Variants in ST6GALNAC6 observed in about 807,000 individuals in gnomAD.
The protein encoded by ST6GALNAC6 is alpha-N-acetylgalactosaminide alpha-2,6-sialyltransferase 6.
Under a neutral mutation model 34.3 loss-of-function variants are expected in ST6GALNAC6, and 19 were observed. The observed-to-expected ratio is 0.55, with a 90% CI of 0.39 to 0.81. ST6GALNAC6 has a LOEUF of 0.81. Among genes scored for constraint, ST6GALNAC6 ranks in the 40% least tolerant of loss-of-function variants. ST6GALNAC6 has a pLI of 0.00. For synonymous variants in ST6GALNAC6, 185 were observed against 182.1 expected (o/e 1.02, Z -0.13); for missense variants, 377 against 467.7 (o/e 0.81, Z 1.79).
At chr9:127,899,387 G>T in intron 1 of ST6GALNAC6, 116 bp downstream of exon 1, 2 of 569,266 alleles carry the variant, frequency 3.5e-6, no homozygotes, top group Non-Finnish European at 4.5e-6. Flanking sequence ...GCCGCCGGGG[G>T]ACCCGCATCC....
chr9:127,897,526 G>T, intron 2 of ST6GALNAC6: 1 of 805,038 alleles, frequency 1.2e-6, no homozygotes, highest in Non-Finnish European at 1.5e-6. Context: ...CTCATCCGGA[G>T]CTCGGCTTCG....
intron 1 of ST6GALNAC6, among the ~76,000 whole-genome samples, chr9:127,898,824 C>A (rs1830620922): frequency 6.6e-6 from 1 of 152,228 alleles, no homozygotes; most frequent in South Asian, 2.1e-4. Context: ...AGTGTGTGCC[C>A]AGGACGTGGC....
chr9:127,897,419 G>A (rs1830533995), intron 2 of ST6GALNAC6: 1 of 986,240 alleles, frequency 1.0e-6, no homozygotes, highest in Non-Finnish European at 1.2e-6. Flanking sequence ...AGAGAACCTC[G>A]GGCCAGAGGA....
In ST6GALNAC6 at chr9:127,896,338, A is replaced by G. The variant is rs1830454056; in HGVS notation, c.27-6T>C. Reference sequence around the variant, plus strand: ...GCAGGGATGTGGGTTCACACCTGCAAGCCACCAGAAAGGGTTATTATGGCT... The same window carrying G: ...GCAGGGATGTGGGTTCACACCTGCAGGCCACCAGAAAGGGTTATTATGGCT... On this transcript the variant is annotated splice_region_variant and splice_polypyrimidine_tract_variant and intron_variant, in intron 2 of 6. Transcript: ENST00000373146. 1 of 1,607,640 alleles carries G rather than the reference A, an allele frequency of 6.2e-7. No individual in the cohort carries two copies. Among genetic ancestry groups the G allele is most frequent in the East Asian group, 2.2e-5 (1 of 44,866 alleles).
chr9:127,900,560 C>CAAAAAAAAAAA (rs71380101), upstream of ST6GALNAC6, among the ~76,000 whole-genome samples: 9 of 44,184 alleles, frequency 2.0e-4, 2 homozygotes, highest in African/African-American at 3.5e-4. Flanking sequence ...AACTCCGTCT[C>CAAAAAAAAAAA]AAAAAAAAAA....
At position 127,886,565 on chromosome 9, in the gene ST6GALNAC6, T is replaced by C. The variant is rs1279292913; in HGVS notation, c.*34A>G. 1 of 1,611,882 alleles carries C rather than the reference T, an allele frequency of 6.2e-7. No homozygotes were observed. The highest frequency in any genetic ancestry group is 1.7e-5 in the Admixed American group (1 of 59,724). ...GCGGCTGGGCGGAGGCTGCTTCTCCTCTGACCCTCCTGAGGTCCCACAGGC... is the reference window on the plus strand; with the variant it reads ...GCGGCTGGGCGGAGGCTGCTTCTCCCCTGACCCTCCTGAGGTCCCACAGGC... On this transcript the variant is annotated 3_prime_UTR_variant, in exon 7 of 7. Transcript: ENST00000373146.
At chr9:127,897,600 C>T (rs1344869389) in intron 2 of ST6GALNAC6, among the ~76,000 whole-genome samples, 2 of 152,232 alleles carry the variant, frequency 1.3e-5, no homozygotes, top group Non-Finnish European at 2.9e-5. Context: ...CTAGTCCAGG[C>T]CCTGCGGTAC....
At position 127,887,664 on chromosome 9, in the gene ST6GALNAC6, C is replaced by T. The variant is rs907331202; in HGVS notation, c.705-73G>A. On this transcript the variant is annotated intron_variant, in intron 5 of 6. Coordinates refer to ENST00000373146, the MANE Select transcript of ST6GALNAC6 (RefSeq NM_013443.5). ...GGAGCAGGTGACCCAGGGTCACCCACGTGGAGTTCCCTGGAACTCCTCCCA... is the reference window on the plus strand; with the variant it reads ...GGAGCAGGTGACCCAGGGTCACCCATGTGGAGTTCCCTGGAACTCCTCCCA... 6.3e-6 allele frequency: 8 copies of T among 1,260,954 alleles called. No individual in the cohort carries two copies. In the Admixed American group the frequency reaches 7.8e-5, roughly 12 times the overall value. The allele number at this position is 1,260,954 out of a possible 1,614,324, so 78.1% of individuals were successfully genotyped here.
In ST6GALNAC6 at chr9:127,896,253, TCATTTCTCTCCG is replaced by T; in HGVS notation, c.94_105del (p.Arg32_Met35del). ...GAAGGCAGACTTACTTTGTTGCTAC[TCATTTCTCTCCG>T]GCGTCTGCTGAGGGGTAGGTGTCGG... On this transcript the variant is annotated inframe_deletion, in exon 3 of 7. Transcript: ENST00000373146. 1 of 1,614,126 alleles carries T rather than the reference TCATTTCTCTCCG, an allele frequency of 6.2e-7. No individual in the cohort carries two copies.
chr9:127,902,097 T>C (rs545365220), upstream of ST6GALNAC6, among the ~76,000 whole-genome samples: 26 of 152,336 alleles, frequency 1.7e-4, no homozygotes, highest in African/African-American at 5.3e-4. Flanking sequence ...CACAATATTT[T>C]AAAAGATGCA....
chr9:127,897,465 A>G, intron 2 of ST6GALNAC6: 1 of 986,060 alleles, frequency 1.0e-6, no homozygotes, highest in Non-Finnish European at 1.2e-6. Context: ...GATTGGTTAG[A>G]TCATGGCCCC....
At chr9:127,900,923 G>T (rs1158266771), upstream of ST6GALNAC6, among the ~76,000 whole-genome samples, 4 of 140,662 alleles carry the variant, frequency 2.8e-5, no homozygotes, top group African/African-American at 1.1e-4. Context: ...GGCAGAGATT[G>T]CAGTGAGCCG....
chr9:127,898,948 A>G (rs891687388), intron 1 of ST6GALNAC6, among the ~76,000 whole-genome samples: 2 of 152,158 alleles, frequency 1.3e-5, no homozygotes, highest in African/African-American at 4.8e-5. Context: ...GACTCAGCCC[A>G]AGGCTGGACG....
chr9:127,894,766 T>C, intron 3 of ST6GALNAC6, 75 bp from the exon 4 acceptor site: 2 of 1,545,830 alleles, frequency 1.3e-6, no homozygotes. Flanking sequence ...CCACCTACCA[T>C]GCCTGGTTAA....
Position 127,890,538 on chromosome 9 carries a change from C to A in ST6GALNAC6, c.704+99G>T. 1.3e-6 allele frequency: 2 copies of A among 1,552,524 alleles called. No homozygotes were observed. Among genetic ancestry groups the A allele is most frequent in the Non-Finnish European group, 1.8e-6 (2 of 1,140,182 alleles). ...CAGAGGACGGCGGGACTTGACTACCCCTCAGAGCAGTGCATGCTGGGAGCA... is the reference window on the plus strand; with the variant it reads ...CAGAGGACGGCGGGACTTGACTACCACTCAGAGCAGTGCATGCTGGGAGCA... On this transcript the variant is annotated intron_variant, in intron 5 of 6. Coordinates refer to ENST00000373146, the MANE Select transcript of ST6GALNAC6 (RefSeq NM_013443.5). The surrounding 1 kb of genome is among the most constrained non-coding windows in gnomAD (Gnocchi z 4.3).
rs780319246 is a variant in ST6GALNAC6, at chr9:127,887,541, G to A, written c.755C>T (p.Ala252Val). ...ATGCACGTGGTCACACAACTCCACC[G>A]CGATCACCATGGTAAACCAGCCTGT... ...LSTGWFTMVI[A>V]VELCDHVHVY... The change falls in exon 6 of 7, where the codon GCG becomes GTG. Residue 252 changes from alanine to valine, a missense_variant. Physicochemically the swap from Ala to Val is moderately conservative, Grantham distance 64. Coordinates refer to ENST00000373146, the MANE Select transcript of ST6GALNAC6 (RefSeq NM_013443.5). 1.9e-6 allele frequency: 3 copies of A among 1,613,056 alleles called. No individual in the cohort carries two copies. Among genetic ancestry groups the A allele is most frequent in the African/African-American group, 1.3e-5 (1 of 75,032 alleles).
intron 5 of ST6GALNAC6, among the ~76,000 whole-genome samples, chr9:127,888,390 GC>G (rs964187965): frequency 6.6e-6 from 1 of 151,310 alleles, no homozygotes; most frequent in Non-Finnish European, 1.5e-5. Flanking sequence ...TGTAGTCCCA[GC>G]TACATGGGAG....
rs1204524456 is a variant in ST6GALNAC6, at chr9:127,894,528, G to C, written c.281C>G (p.Pro94Arg). The C allele has an allele frequency of 1.2e-6, 2 of 1,614,002 alleles. No individual in the cohort carries two copies. ...CTGCGCTACCTTGTTGCCGAGAATG[G>C]GGACATAGCCGTCAGTGATGCTCCA... The part of the protein sequence containing the change: ...KKWSITDGYV[P>R]ILGNKTLPSR... The change falls in exon 4 of 7, where the codon CCC becomes CGC. Residue 94 changes from proline to arginine, a missense_variant. Physicochemically the swap from Pro to Arg is moderately radical, Grantham distance 103 (BLOSUM62 -2). Transcript: ENST00000373146.
At chr9:127,895,093 C>G (rs1213753079) in intron 3 of ST6GALNAC6, among the ~76,000 whole-genome samples, 1 of 152,194 alleles carries the variant, frequency 6.6e-6, no homozygotes, top group African/African-American at 2.4e-5. Context: ...TAGGTCTTCC[C>G]CCAACAGTAA....
Sources: gnomAD v4.1 joint callset for allele counts (sites outside exome capture counted in the v4.1 genomes callset) on GRCh38, gnomAD v4.1.1 for gene constraint, Gnocchi (gnomAD v3.1) non-coding constraint, MANE v1.5 for transcripts, NCBI Gene and HGNC (gene_info 2026-07-23, HGNC 2026-07-21) for gene names.